The following ZNF385D variants were observed in gnomAD, a reference collection of about 807,000 sequenced individuals.
ZNF385D encodes the protein zinc finger protein 385D.
In ZNF385D, 15 loss-of-function variants were observed where a neutral mutation model predicts 35.8. The observed-to-expected ratio is 0.42, with a 90% confidence interval of 0.28 to 0.64. The LOEUF (loss-of-function observed/expected upper bound fraction) is 0.64, where lower values mean the gene tolerates loss of function less well. ZNF385D is among the 30% of genes least tolerant of loss of function. The probability of loss-of-function intolerance (pLI) is 0.23; values close to 1 mark genes in which losing one functional copy is unlikely to be tolerated. For synonymous variants in ZNF385D, 212 were observed against 186.8 expected, an observed-to-expected ratio of 1.13 and a Z score of -1.10; for missense variants, 474 against 494.6, an observed-to-expected ratio of 0.96 and a Z score of 0.39.
chr3:21,880,358 T>A (rs1345307798), intron 3 of ZNF385D, among the ~76,000 whole-genome samples: 1 of 152,046 alleles, frequency 6.6e-6, no homozygotes, highest in Non-Finnish European at 1.5e-5. Flanking sequence ...TCACTTCGTG[T>A]TTCTGTCACA....
chr3:22,065,342 A>C (rs995924183), intron 3 of ZNF385D, among the ~76,000 whole-genome samples: 5 of 152,240 alleles, frequency 3.3e-5, no homozygotes, highest in African/African-American at 9.6e-5. Context: ...GCAAAGCTGC[A>C]AAAATAGTCC....
intron 3 of ZNF385D, among the ~76,000 whole-genome samples, chr3:21,870,996 T>G (rs2125846542): frequency 6.6e-6 from 1 of 152,284 alleles, no homozygotes; most frequent in South Asian, 2.1e-4. Flanking sequence ...ATCATGCCAC[T>G]TATCTGCTAA....
chr3:21,961,072 G>A (rs1004822726), intron 3 of ZNF385D, among the ~76,000 whole-genome samples: 3 of 151,996 alleles, frequency 2.0e-5, no homozygotes, highest in African/African-American at 7.2e-5. Flanking sequence ...GAAGATTTTT[G>A]ATGTTCATAA....
intron 3 of ZNF385D, among the ~76,000 whole-genome samples, chr3:21,769,220 G>T (rs1176486982): frequency 1.3e-5 from 2 of 152,024 alleles, no homozygotes; most frequent in African/African-American, 2.4e-5. Flanking sequence ...CATGGTGTTG[G>T]AAGTTCTGGC....
intron 3 of ZNF385D, among the ~76,000 whole-genome samples, chr3:22,072,476 C>A (rs1250450332): frequency 6.6e-6 from 1 of 152,076 alleles, no homozygotes; most frequent in Non-Finnish European, 1.5e-5. Context: ...AACTCGTCAG[C>A]TGCTTGCTGA....
rs530362069 is a variant in ZNF385D, at chr3:22,193,022, C to T, written c.107-23987G>A. On this transcript the variant is annotated intron_variant, in intron 2 of 5. Transcript: ENST00000494108. ...TTCTTTCCACCATGACTCCACGGTT[C>T]CTAGTTTCATATACTTACATTAATC... Among the ~76,000 whole-genome samples the T allele has an allele frequency of 5.1e-4, 78 of 152,244 alleles. 1 individual carries two copies. In the Middle Eastern group the frequency reaches 0.024, roughly 46 times the overall value.
chr3:21,667,707 CCT>C (rs1397377005), intron 1 of ZNF385D, among the ~76,000 whole-genome samples: 1 of 152,166 alleles, frequency 6.6e-6, no homozygotes, highest in African/African-American at 2.4e-5. Flanking sequence ...TTTAAGTCCT[CCT>C]CTGGTTTAGG....
chr3:21,541,550 C>T (rs2062176986), intron 3 of ZNF385D, among the ~76,000 whole-genome samples: 1 of 151,978 alleles, frequency 6.6e-6, no homozygotes, highest in Non-Finnish European at 1.5e-5. Context: ...GCCACAAAAC[C>T]CCAAATTACA....
At chr3:21,897,615 G>A (rs774267557) in intron 3 of ZNF385D, among the ~76,000 whole-genome samples, 1 of 152,110 alleles carries the variant, frequency 6.6e-6, no homozygotes, top group African/African-American at 2.4e-5. Flanking sequence ...AGCAAGAGGA[G>A]AAACAAACAT....
intron 3 of ZNF385D, among the ~76,000 whole-genome samples, chr3:21,543,698 C>T (rs190141859): frequency 1.5e-3 from 229 of 152,294 alleles, no homozygotes; most frequent in Non-Finnish European, 2.8e-3. Flanking sequence ...TTTTCTTTCC[C>T]CTTCTGTGTC....
At chr3:22,168,756 G>A (rs1286922854) in intron 3 of ZNF385D, 1 of 924,744 alleles carries the variant, frequency 1.1e-6, no homozygotes. Flanking sequence ...CACATCTGCA[G>A]GTACACAAAT....
intron 3 of ZNF385D, among the ~76,000 whole-genome samples, chr3:21,840,992 C>T (rs979370408): frequency 2.0e-5 from 3 of 151,930 alleles, no homozygotes; most frequent in African/African-American, 7.2e-5. Context: ...AATTTAGCTT[C>T]CCTGACAAAC....
At chr3:21,962,709 T>C (rs1176559304) in intron 3 of ZNF385D, among the ~76,000 whole-genome samples, 3 of 152,176 alleles carry the variant, frequency 2.0e-5, no homozygotes, top group Admixed American at 2.0e-4. Flanking sequence ...TGGAAAGGTA[T>C]TTTTTTGGAA....
chr3:21,911,366 G>A (rs1349121796), intron 3 of ZNF385D, among the ~76,000 whole-genome samples: 1 of 151,954 alleles, frequency 6.6e-6, no homozygotes, highest in African/African-American at 2.4e-5. Flanking sequence ...GTAGATCACA[G>A]GTTTTATGGT....
chr3:22,335,966 A>T (rs1695142567), intron 2 of ZNF385D, among the ~76,000 whole-genome samples: 1 of 152,040 alleles, frequency 6.6e-6, no homozygotes, highest in Admixed American at 6.6e-5. Flanking sequence ...TGTTGTCTGA[A>T]TTTTCAAAAA....
chr3:22,200,245 A>G (rs1696692989), intron 2 of ZNF385D, among the ~76,000 whole-genome samples: 1 of 152,056 alleles, frequency 6.6e-6, no homozygotes, highest in African/African-American at 2.4e-5. Context: ...ATGCCCCGAT[A>G]GTCATGTTGG....
chr3:21,903,948 G>A (rs151025007), intron 3 of ZNF385D, among the ~76,000 whole-genome samples: 69 of 152,184 alleles, frequency 4.5e-4, no homozygotes, highest in African/African-American at 1.6e-3. Flanking sequence ...CAACCATAGA[G>A]TGTATCAGCA....
intron 1 of ZNF385D, among the ~76,000 whole-genome samples, chr3:21,681,698 G>GAAAAAAAAAAAAAAAAAACAAAA (rs5847124): frequency 7.5e-6 from 1 of 133,226 alleles, no homozygotes; most frequent in Non-Finnish European, 1.6e-5. Flanking sequence ...AAAAAAAAAC[G>GAAAAAAAAAAAAAAAAAACAAAA]AAAAAAAAAA....
chr3:21,529,290 T>C (rs1332069634), intron 3 of ZNF385D, among the ~76,000 whole-genome samples: 4 of 152,146 alleles, frequency 2.6e-5, no homozygotes, highest in Non-Finnish European at 5.9e-5. Flanking sequence ...ATATTCCTCT[T>C]TGACTTTGAC....
Sources: allele counts gnomAD v4.1 joint callset (sites outside exome capture counted in the v4.1 genomes callset), GRCh38; gene constraint gnomAD v4.1.1; transcripts MANE v1.5; gene names NCBI Gene and HGNC (gene_info 2026-07-23, HGNC 2026-07-21).